GOLM1: variants seen among roughly 807,000 people sequenced by gnomAD.
GOLM1 encodes golgi membrane protein 1, also known as epididymis luminal protein 46.
A neutral mutation model predicts 50.5 loss-of-function variants in GOLM1; 31 were observed. The observed-to-expected ratio is 0.61, with a 90% CI of 0.46 to 0.83. The LOEUF (loss-of-function observed/expected upper bound fraction) is 0.83, where lower values mean the gene tolerates loss of function less well. Among genes scored for constraint, GOLM1 ranks in the 40% least tolerant of loss-of-function variants. The probability of loss-of-function intolerance (pLI) is 0.00; values close to 1 mark genes in which losing one functional copy is unlikely to be tolerated. For missense variants in GOLM1, 491 were observed against 501.3 expected (o/e 0.98, Z 0.20); for synonymous variants, 178 against 192.8 (o/e 0.92, Z 0.64).
chr9:86,077,120 G>C (rs1834640559), intron 3 of GOLM1, among the ~76,000 whole-genome samples: 1 of 152,120 alleles, frequency 6.6e-6, no homozygotes, highest in East Asian at 1.9e-4. Context: ...TTTGTGGAAA[G>C]TGGGAAGAAA....
rs1250104362 is a variant in GOLM1, at chr9:86,099,516, G to C, written c.-127C>G. On this transcript the variant is annotated 5_prime_UTR_variant, in exon 1 of 10. Transcript: ENST00000388712. ...GGCCTCGAGCTCCGGCCGGCTCCGC[G>C]CCGTGCGCCCAGCGCCTCCGCGTCC... is the stretch of plus-strand genomic sequence containing the variant. The C allele has an allele frequency of 6.7e-6, 1 of 149,366 alleles. No homozygotes were observed. Among genetic ancestry groups the C allele is most frequent in the African/African-American group, 2.4e-5 (1 of 41,080 alleles). 9.3% of individuals were successfully genotyped at this position (149,366 alleles called of 1,614,324 possible).
At chr9:86,094,725 T>C (rs7851851) in intron 1 of GOLM1, among the ~76,000 whole-genome samples, 3,578 of 152,176 alleles carry the variant, frequency 0.024, 151 homozygotes, top group African/African-American at 0.081. Context: ...AGCCCAGGAA[T>C]TCGAGACCAG....
At chr9:86,031,950 A>AG (rs1330500442) in intron 9 of GOLM1, among the ~76,000 whole-genome samples, 6 of 149,708 alleles carry the variant, frequency 4.0e-5, no homozygotes, top group African/African-American at 9.8e-5. Context: ...AAAAAAAAAA[A>AG]GACGCCAGAC....
At chr9:86,090,897 G>A (rs1418539890) in intron 1 of GOLM1, among the ~76,000 whole-genome samples, 1 of 152,030 alleles carries the variant, frequency 6.6e-6, no homozygotes, top group South Asian at 2.1e-4. Context: ...GTAGGCACCT[G>A]AGGGTATCTC....
chr9:86,036,213 GCCCAGAGAGACACGT>G, intron 7 of GOLM1, 120 bp downstream of exon 7: 1 of 845,230 alleles, frequency 1.2e-6, no homozygotes, highest in Non-Finnish European at 2.0e-6. Flanking sequence ...AATTCCAGGG[GCCCAGAGAGACACGT>G]CCCTGCTCCT....
Position 86,027,469 on chromosome 9 carries a change from A to T in GOLM1, c.*348T>A, listed in dbSNP as rs918241151. On this transcript the variant is annotated 3_prime_UTR_variant, in exon 10 of 10. Transcript: ENST00000388712. ...TCCTTCACAGCAGATGGACTCTTCT[A>T]TAGGTGGCTGTTAATTTACACAAAG... The T allele has an allele frequency of 9.2e-7, 1 of 1,090,442 alleles. No homozygotes were observed. The highest frequency in any genetic ancestry group is 5.1e-5 in the Admixed American group (1 of 19,670). The allele number at this position is 1,090,442 out of a possible 1,614,324, so 67.5% of individuals were successfully genotyped here.
Position 86,026,182 on chromosome 9 carries a change from A to G in GOLM1, c.*1635T>C, listed in dbSNP as rs1832774732. 9 of 982,164 alleles carry G rather than the reference A, an allele frequency of 9.2e-6. No homozygotes were observed. The highest frequency in any genetic ancestry group is 4.7e-5 in the South Asian group (1 of 21,230). 60.8% of individuals were successfully genotyped at this position (982,164 alleles called of 1,614,324 possible). A position where few individuals can be genotyped will look rare whatever the true frequency, so the allele number is the denominator to read the frequency against. Reference sequence around the variant, plus strand: ...GAACATTTTATTTCTCAGCAATTCTATGCGTACAAATTAAACATGAGATGA... The same window carrying G: ...GAACATTTTATTTCTCAGCAATTCTGTGCGTACAAATTAAACATGAGATGA... On this transcript the variant is annotated 3_prime_UTR_variant, in exon 10 of 10. Transcript: ENST00000388712.
At chr9:86,052,633 C>A in intron 3 of GOLM1, 42 bp from the exon 4 acceptor site, 1 of 1,563,368 alleles carries the variant, frequency 6.4e-7, no homozygotes, top group Non-Finnish European at 8.8e-7. Context: ...CAAACCAACA[C>A]CTCAGCCTGA....
intron 4 of GOLM1, among the ~76,000 whole-genome samples, chr9:86,047,475 CAA>C (rs1208833551): frequency 6.6e-6 from 1 of 152,072 alleles, no homozygotes; most frequent in Non-Finnish European, 1.5e-5. Context: ...GTGACACCCT[CAA>C]GAGACAAAGC....
At chr9:86,035,738 G>A in intron 7 of GOLM1, 113 bp from the exon 8 acceptor site, 2 of 1,001,624 alleles carry the variant, frequency 2.0e-6, no homozygotes, top group Non-Finnish European at 1.5e-6. Context: ...CCCAAGGAGT[G>A]GGGGTGGGGT....
chr9:86,095,662 C>T (rs939309541), intron 1 of GOLM1, among the ~76,000 whole-genome samples: 5 of 152,108 alleles, frequency 3.3e-5, no homozygotes, highest in African/African-American at 9.7e-5. Flanking sequence ...GAAGATTATG[C>T]GCGCGTGGGA....
chr9:86,031,215 G>GAA (rs968642193), intron 9 of GOLM1, among the ~76,000 whole-genome samples: 2 of 142,866 alleles, frequency 1.4e-5, no homozygotes, highest in African/African-American at 5.1e-5. Context: ...ATCTGAGGAA[G>GAA]AAAAAAAAAA....
At chr9:86,043,329 A>G (rs1763038210) in intron 5 of GOLM1, among the ~76,000 whole-genome samples, 1 of 152,202 alleles carries the variant, frequency 6.6e-6, no homozygotes. Flanking sequence ...TTCAAACGGA[A>G]AGAACACTAC....
intron 8 of GOLM1, 28 bp from the exon 9 acceptor site, chr9:86,033,423 C>G: frequency 7.4e-7 from 1 of 1,346,570 alleles, no homozygotes; most frequent in South Asian, 1.2e-5. Flanking sequence ...AAAACATAAG[C>G]TACATCATTT....
chr9:86,081,191 A>T (rs1241568774), intron 1 of GOLM1, among the ~76,000 whole-genome samples: 1 of 138,608 alleles, frequency 7.2e-6, no homozygotes, highest in Non-Finnish European at 1.6e-5. Context: ...CCCAGCCTCA[A>T]TGATTTTTTT....
At chr9:86,093,314 T>C (rs1281884319) in intron 1 of GOLM1, among the ~76,000 whole-genome samples, 1 of 150,984 alleles carries the variant, frequency 6.6e-6, no homozygotes, top group Non-Finnish European at 1.5e-5. Flanking sequence ...GAGGCAGAGG[T>C]TGCTGTGAGC....
At chr9:86,098,871 C>T (rs1835436104) in intron 1 of GOLM1, among the ~76,000 whole-genome samples, 1 of 152,134 alleles carries the variant, frequency 6.6e-6, no homozygotes, top group Non-Finnish European at 1.5e-5. Context: ...GCCCAAGCTC[C>T]GGGGTCACCA....
chr9:86,063,094 C>G (rs1834208159), intron 3 of GOLM1, among the ~76,000 whole-genome samples: 1 of 152,246 alleles, frequency 6.6e-6, no homozygotes, highest in African/African-American at 2.4e-5. Context: ...AGGGGAGGAG[C>G]TGCCGAACCA....
At chr9:86,067,284 T>C (rs1020922146) in intron 3 of GOLM1, among the ~76,000 whole-genome samples, 3 of 152,238 alleles carry the variant, frequency 2.0e-5, no homozygotes, top group African/African-American at 4.8e-5. Flanking sequence ...TAAACCACTC[T>C]GTGCCCTCCT....
Sources: allele counts gnomAD v4.1 joint callset (sites outside exome capture counted in the v4.1 genomes callset), GRCh38; gene constraint gnomAD v4.1.1; transcripts MANE v1.5; gene names NCBI Gene and HGNC (gene_info 2026-07-23, HGNC 2026-07-21).